The following MICAL1 variants were observed in gnomAD, a reference collection of about 807,000 sequenced individuals.
MICAL1 encodes microtubule associated monooxygenase, calponin and LIM domain containing 1.
Under a neutral mutation model 131.8 loss-of-function variants are expected in MICAL1, and 95 were observed. The ratio of observed to expected loss-of-function variants is 0.72; its 90% CI spans 0.61 to 0.86. The LOEUF (loss-of-function observed/expected upper bound fraction) is 0.86. MICAL1 is among the 40% of genes least tolerant of loss of function. The probability of loss-of-function intolerance (pLI) is 0.00; values close to 1 mark genes in which losing one functional copy is unlikely to be tolerated. For missense variants in MICAL1, 1,292 were observed against 1,380.6 expected (o/e 0.94, Z 1.02); for synonymous variants, 546 against 554.2 (o/e 0.99, Z 0.21).
At chr6:109,460,370 A>G (rs1309579371), upstream of MICAL1, among the ~76,000 whole-genome samples, 1 of 148,396 alleles carries the variant, frequency 6.7e-6, no homozygotes, top group East Asian at 2.0e-4. Flanking sequence ...AAGAGGCTGT[A>G]GTGAGCCATG....
intron 7 of MICAL1, 50 bp downstream of exon 7, chr6:109,451,550 G>C (rs758197265): frequency 6.2e-7 from 1 of 1,607,330 alleles, no homozygotes; most frequent in East Asian, 2.2e-5. Flanking sequence ...CCTAGCCTCT[G>C]CCTCCCGGGG....
At position 109,449,697 on chromosome 6, in the gene MICAL1, C is replaced by T. The variant is rs200256677; in HGVS notation, c.1394G>A (p.Arg465His). The T allele has an allele frequency of 3.1e-5, 50 of 1,587,598 alleles. No individual in the cohort carries two copies. The highest frequency in any genetic ancestry group is 3.9e-5 in the Non-Finnish European group (46 of 1,167,584). ...VAQYGLDPATRYPNLNLRAVT... is the reference protein window; with the variant it reads ...VAQYGLDPATHYPNLNLRAVT... Reference sequence around the variant, plus strand: ...TGCCCGGAGGTTCAGGTTGGGGTAGCGGGTGGCTGGGTCCAGCCCATACTG... The same window carrying T: ...TGCCCGGAGGTTCAGGTTGGGGTAGTGGGTGGCTGGGTCCAGCCCATACTG... Residue 465 changes from arginine to histidine, a missense_variant, in exon 10 of 25, where the codon CGC becomes CAC. Transcript: ENST00000358807.
chr6:109,454,091 C>A lies in MICAL1; in HGVS notation c.106G>T (p.Ala36Ser). ...CCCCCACCGGGTTCCAGCCCCAGGG[C>A]CCCACACAGCTCCTGGAAGCTGCTC... is the stretch of plus-strand genomic sequence containing the variant. ...VLSSFQELCG[A>S]LGLEPGGGLP... The change falls in exon 2 of 25, where the codon GCC (alanine) becomes TCC (serine). Residue 36 changes from alanine to serine, a missense_variant. Transcript: ENST00000358807. 1 of 1,613,902 alleles carries A rather than the reference C, an allele frequency of 6.2e-7. No homozygotes were observed. The highest frequency in any genetic ancestry group is 8.5e-7 in the Non-Finnish European group (1 of 1,179,978).
chr6:109,449,873 C>T, intron 9 of MICAL1, 90 bp from the exon 10 acceptor site: 1 of 1,584,230 alleles, frequency 6.3e-7, no homozygotes, highest in Non-Finnish European at 8.6e-7. Flanking sequence ...TTTTCTTCTG[C>T]CTATTCCTCC....
rs544006046 is a variant in MICAL1, at chr6:109,446,462, C to T, written c.2305-50G>A. The T allele has an allele frequency of 1.2e-4, 83 of 717,878 alleles. No homozygotes were observed. The Admixed American group carries it at 1.3e-3, about 11-fold the overall frequency. The allele number at this position is 717,878 out of a possible 1,614,324, so 44.5% of individuals were successfully genotyped here. A position where few individuals can be genotyped will look rare whatever the true frequency, so the allele number is the denominator to read the frequency against. On this transcript the variant is annotated intron_variant, in intron 18 of 24. Coordinates refer to ENST00000358807, the MANE Select transcript of MICAL1 (RefSeq NM_022765.4). ...AGGTCGGGGGGTGAGGCCACCCCTT[C>T]GGAGCAAAGGTGAGCCTTGGCATTC... is the stretch of plus-strand genomic sequence containing the variant.
intron 24 of MICAL1, 142 bp downstream of exon 24, chr6:109,444,583 G>A (rs1012658330): frequency 8.2e-5 from 89 of 1,088,664 alleles, no homozygotes; most frequent in Non-Finnish European, 1.1e-4. Context: ...AGGGGCTTTG[G>A]AGCCCCCTCC....
At chr6:109,447,261 G>C in intron 16 of MICAL1, 32 bp from the exon 17 acceptor site, 1 of 1,613,972 alleles carries the variant, frequency 6.2e-7, no homozygotes, top group Non-Finnish European at 8.5e-7. Context: ...AGGGTCAGGT[G>C]GAGCCAAGGC....
In MICAL1 at chr6:109,447,560, A is replaced by AT. The variant is rs567188897; in HGVS notation, c.1986+120dup. 36 of 1,457,878 alleles carry AT rather than the reference A, an allele frequency of 2.5e-5. No individual in the cohort carries two copies. The South Asian group carries it at 3.9e-4, about 16-fold the overall frequency. The allele number at this position is 1,457,878 out of a possible 1,614,324, so 90.3% of individuals were successfully genotyped here. A position where few individuals can be genotyped will look rare whatever the true frequency, so the allele number is the denominator to read the frequency against. On this transcript the variant is annotated intron_variant, in intron 15 of 24. Coordinates refer to ENST00000358807, the MANE Select transcript of MICAL1 (RefSeq NM_022765.4). The stretch of plus-strand genomic sequence containing the variant: ...GAGTGAGACTAGGCAGGGAGGCTGG[A>AT]TGGGGGGGTTACAGGACCTGGGGTG...
At position 109,452,227 on chromosome 6, in the gene MICAL1, C is replaced by A; in HGVS notation, c.832+19G>T. ...CAGTCAGGCAGGGGGAGGGGAAATTCAGCAAGAGGGTCCCTGACCTGTGGC... is the reference window on the plus strand; with the variant it reads ...CAGTCAGGCAGGGGGAGGGGAAATTAAGCAAGAGGGTCCCTGACCTGTGGC... On this transcript the variant is annotated intron_variant, in intron 6 of 24. Coordinates refer to ENST00000358807, the MANE Select transcript of MICAL1 (RefSeq NM_022765.4). The A allele has an allele frequency of 6.3e-7, 1 of 1,599,098 alleles. No individual in the cohort carries two copies. Among genetic ancestry groups the A allele is most frequent in the Non-Finnish European group, 8.5e-7 (1 of 1,170,110 alleles).
intron 8 of MICAL1, 95 bp downstream of exon 8, chr6:109,450,205 C>T (rs1775479678): frequency 3.8e-6 from 6 of 1,563,194 alleles, no homozygotes; most frequent in Middle Eastern, 1.9e-4. Context: ...GCCCTTAGCT[C>T]CTCCCCTCTG....
chr6:109,453,057 G>A (rs1412561442), intron 4 of MICAL1, among the ~76,000 whole-genome samples: 1 of 152,218 alleles, frequency 6.6e-6, no homozygotes, highest in Admixed American at 6.5e-5. Context: ...CTCCTCAGGA[G>A]GCTGAGGCAG....
At position 109,449,736 on chromosome 6, in the gene MICAL1, T is replaced by A. The variant is rs770157178; in HGVS notation, c.1355A>T (p.His452Leu). The A allele has an allele frequency of 1.2e-6, 2 of 1,606,722 alleles. No homozygotes were observed. The highest frequency in any genetic ancestry group is 2.2e-5 in the South Asian group (2 of 89,732). The change falls in exon 10 of 25, where the codon CAT becomes CTT. Residue 452 changes from histidine to leucine, a missense_variant. Transcript: ENST00000358807. ...CAGCCCATACTGGGCCACATTGCGATGCATGTTTTCTGGGGATGTCTGTGA... is the reference window on the plus strand; with the variant it reads ...CAGCCCATACTGGGCCACATTGCGAAGCATGTTTTCTGGGGATGTCTGTGA... ...LLSQTSPENM[H>L]RNVAQYGLDP... is the part of the protein sequence containing the mutation.
Position 109,448,298 on chromosome 6 carries a change from G to T in MICAL1, c.1760C>A (p.Ser587Tyr). Reference sequence around the variant, plus strand: ...ACTCCCTGCTACCACGGCCTGTGCAGACACCACCGGTGTGATGCCCAGCTC... The same window carrying T: ...ACTCCCTGCTACCACGGCCTGTGCATACACCACCGGTGTGATGCCCAGCTC... ...ENELGITPVV[S>Y]AQAVVAGSDP... The change falls in exon 13 of 25, where the codon TCT (serine) becomes TAT (tyrosine). Residue 587 changes from serine (S) to tyrosine (Y), a missense_variant. Ser to Tyr is a moderately radical substitution (Grantham distance 144, BLOSUM62 -2). Transcript: ENST00000358807. The T allele has an allele frequency of 6.2e-7, 1 of 1,614,022 alleles. No homozygotes were observed. The highest frequency in any genetic ancestry group is 8.5e-7 in the Non-Finnish European group (1 of 1,180,016).
chr6:109,465,334 T>C (rs1460262217), intron 1 of MICAL1: 1 of 331,308 alleles, frequency 3.0e-6, no homozygotes, highest in African/African-American at 2.1e-5. Context: ...GACTGGAAAT[T>C]ATTAAAAGGG....
rs9320288 is a variant in MICAL1, at chr6:109,446,727, G to A, written c.2273C>T (p.Ala758Val). The change falls in exon 18 of 25, where the codon GCG becomes GTG. Residue 758 changes from alanine (A) to valine (V), a missense_variant. Ala to Val is a moderately conservative substitution (Grantham distance 64). Coordinates refer to ENST00000358807, the MANE Select transcript of MICAL1 (RefSeq NM_022765.4). ...LQHLPQTDHK[A>V]EGSDRGPESP... ...CTCAGGGCCTCTATCGCTGCCTTCC[G>A]CTTTGTGGTCTGTCTGGGGCAGGTG... 4.3e-6 allele frequency: 7 copies of A among 1,612,608 alleles called. No homozygotes were observed. The highest frequency in any genetic ancestry group is 2.7e-5 in the African/African-American group (2 of 74,812).
In MICAL1 at chr6:109,444,250, G is replaced by A. The variant is rs141577461; in HGVS notation, c.3145C>T (p.Arg1049Cys). The A allele has an allele frequency of 7.3e-4, 1,170 of 1,613,678 alleles. 7 individuals are homozygous for A. The African/African-American group carries it at 0.014, about 20-fold the overall frequency. ...DLVNQRDALI[R>C]FQEERRLSEL... ...CTGAGCCTGCGCTCCTCCTGGAAGCGGATGAGGGCATCTCTCTGGTTGACC... is the reference window on the plus strand; with the variant it reads ...CTGAGCCTGCGCTCCTCCTGGAAGCAGATGAGGGCATCTCTCTGGTTGACC... The change falls in exon 25 of 25, where the codon CGC (arginine) becomes TGC (cysteine). Residue 1049 changes from arginine to cysteine, a missense_variant. By Grantham distance (180) the Arg-to-Cys change is radical. Transcript: ENST00000358807.
Position 109,449,499 on chromosome 6 carries a change from A to G in MICAL1, c.1435-18T>C, listed in dbSNP as rs751226115. ...TCTCGTACCTAAGGCAGCCCCGCTC[A>G]GGTCTCAAGGCAGGCTGGCCACACA... On this transcript the variant is annotated intron_variant, in intron 10 of 24. Transcript: ENST00000358807. 2.5e-6 allele frequency: 4 copies of G among 1,613,988 alleles called. No individual in the cohort carries two copies.
At chr6:109,457,573 C>T (rs73762751), upstream of MICAL1, among the ~76,000 whole-genome samples, 4 of 130,434 alleles carry the variant, frequency 3.1e-5, no homozygotes, top group African/African-American at 1.7e-4. Context: ...TAAGAGATCC[C>T]GAGACAGTCC....
In MICAL1 at chr6:109,447,377, G is replaced by A; in HGVS notation, c.2050C>T (p.Pro684Ser). 6.2e-7 allele frequency: 1 copy of A among 1,613,632 alleles called. No homozygotes were observed. Among genetic ancestry groups the A allele is most frequent in the Non-Finnish European group, 8.5e-7 (1 of 1,179,902 alleles). ...PDPEPGVPLT[P>S]PSQHQEAGAG... ...CTCACCTCCTGGTGTTGGGATGGGG[G>A]TGTCAGGGGTACACCAGGCTCTGGG... is the stretch of plus-strand genomic sequence containing the variant. The change falls in exon 16 of 25, where the codon CCC becomes TCC. Residue 684 changes from proline to serine, a missense_variant. Physicochemically the swap from Pro to Ser is moderately conservative, Grantham distance 74 (BLOSUM62 -1). Coordinates refer to ENST00000358807, the MANE Select transcript of MICAL1 (RefSeq NM_022765.4).
Sources: allele counts gnomAD v4.1 joint callset (sites outside exome capture counted in the v4.1 genomes callset), GRCh38; gene constraint gnomAD v4.1.1; transcripts MANE v1.5; gene names NCBI Gene and HGNC (gene_info 2026-07-23, HGNC 2026-07-21).